Variants in CTIF observed in about 807,000 individuals in gnomAD.
CTIF encodes the protein CBP80/20-dependent translation initiation factor.
A neutral mutation model predicts 66.0 loss-of-function variants in CTIF; 21 were observed. The ratio of observed to expected loss-of-function variants is 0.32; its 90% confidence interval spans 0.23 to 0.46. The LOEUF is 0.46. Among genes scored for constraint, CTIF ranks in the 20% least tolerant of loss-of-function variants. The probability of loss-of-function intolerance (pLI) is 1.00; values close to 1 mark genes in which losing one functional copy is unlikely to be tolerated. For missense variants in CTIF, 739 were observed against 812.7 expected (o/e 0.91, Z 1.10); for synonymous variants, 345 against 326.4 (o/e 1.06, Z -0.62).
chr18:48,845,162 T>A (rs1382949851), intron 10 of CTIF, among the ~76,000 whole-genome samples: 1 of 91,818 alleles, frequency 1.1e-5, no homozygotes, highest in South Asian at 3.4e-4. Flanking sequence ...GGGTTGGGGG[T>A]GGGGGAGAGA....
In CTIF at chr18:48,812,088, G is replaced by A. The variant is rs576478954; in HGVS notation, c.1372-5133G>A. 5.3e-5 allele frequency among the ~76,000 whole-genome samples: 8 copies of A among 152,104 alleles called. No individual in the cohort carries two copies. In the East Asian group the frequency reaches 1.2e-3, roughly 22 times the overall value. Reference sequence around the variant, plus strand: ...AGCAGTTCTCCTGCCTCAGCCTCCCGAGTAGCTTGGATTACAGGCACCCAC... The same window carrying A: ...AGCAGTTCTCCTGCCTCAGCCTCCCAAGTAGCTTGGATTACAGGCACCCAC... On this transcript the variant is annotated intron_variant, in intron 9 of 11. Transcript: ENST00000256413.
intron 2 of CTIF, chr18:48,621,592 G>A: frequency 2.6e-6 from 1 of 382,712 alleles, no homozygotes; most frequent in East Asian, 1.1e-4. Flanking sequence ...CAGGAGGGGA[G>A]TCGAGGGAGT....
chr18:48,540,521 G>T (rs569001856), intron 1 of CTIF, among the ~76,000 whole-genome samples: 5 of 152,054 alleles, frequency 3.3e-5, no homozygotes, highest in African/African-American at 4.8e-5. Context: ...CAATCGGGAG[G>T]GGGGTGGTCC....
chr18:48,648,491 A>ACACACACACG (rs2091095573), intron 3 of CTIF, among the ~76,000 whole-genome samples: 1 of 147,198 alleles, frequency 6.8e-6, no homozygotes, highest in South Asian at 2.2e-4. Flanking sequence ...ACACACACGC[A>ACACACACACG]CACACACACA....
intron 3 of CTIF, among the ~76,000 whole-genome samples, chr18:48,646,805 C>T: frequency 7.0e-6 from 1 of 142,468 alleles, no homozygotes; most frequent in Non-Finnish European, 1.5e-5. Flanking sequence ...TGACAGCGTC[C>T]AATGCTGGTG....
chr18:48,795,705 A>G (rs1376132306), intron 9 of CTIF, among the ~76,000 whole-genome samples: 1 of 152,182 alleles, frequency 6.6e-6, no homozygotes, highest in East Asian at 1.9e-4. Flanking sequence ...ACACTTGGGT[A>G]TACTTTCTCT....
intron 1 of CTIF, among the ~76,000 whole-genome samples, chr18:48,557,395 G>T (rs907384136): frequency 3.9e-5 from 6 of 152,200 alleles, no homozygotes; most frequent in Non-Finnish European, 1.5e-5. Context: ...ACCTTCCCTG[G>T]AGTTTTCTGA....
In CTIF at chr18:48,539,098, C is replaced by G. The variant is rs1203010010; in HGVS notation, c.-243C>G. 6.7e-6 allele frequency: 1 copy of G among 148,152 alleles called. No individual in the cohort carries two copies. Among genetic ancestry groups the G allele is most frequent in the Non-Finnish European group, 1.5e-5 (1 of 66,886 alleles). 9.2% of individuals were successfully genotyped at this position (148,152 alleles called of 1,614,324 possible). A position where few individuals can be genotyped will look rare whatever the true frequency, so the allele number is the denominator to read the frequency against. On this transcript the variant is annotated 5_prime_UTR_variant, in exon 1 of 12. Coordinates refer to ENST00000256413, the MANE Select transcript of CTIF (RefSeq NM_014772.3). ...TTTTTTTCCTTCCTCTACTCCCTCC[C>G]CCCTACCCGCCCCTCCCTCCCTGTT...
intron 9 of CTIF, among the ~76,000 whole-genome samples, chr18:48,790,460 G>T (rs980373286): frequency 1.3e-5 from 2 of 152,240 alleles, no homozygotes; most frequent in African/African-American, 4.8e-5. Flanking sequence ...GTCACCAAGG[G>T]GCAGGCTGCC....
chr18:48,790,130 C>A (rs948532468), intron 9 of CTIF, among the ~76,000 whole-genome samples: 13 of 152,202 alleles, frequency 8.5e-5, no homozygotes, highest in African/African-American at 3.1e-4. Context: ...ACAGAGGTTC[C>A]GCCCCCAGTA....
chr18:48,785,503 T>C (rs1381895403), intron 9 of CTIF, among the ~76,000 whole-genome samples: 1 of 152,156 alleles, frequency 6.6e-6, no homozygotes, highest in African/African-American at 2.4e-5. Flanking sequence ...GCCCCCTGCC[T>C]ACCTGAAGAC....
At chr18:48,601,693 C>T (rs961906743) in intron 1 of CTIF, among the ~76,000 whole-genome samples, 6 of 152,386 alleles carry the variant, frequency 3.9e-5, no homozygotes, top group Admixed American at 3.3e-4. Flanking sequence ...CCCACCCTCA[C>T]TGGCTTCTTG....
chr18:48,646,007 G>A (rs568466091), intron 3 of CTIF, among the ~76,000 whole-genome samples: 53 of 152,288 alleles, frequency 3.5e-4, no homozygotes, highest in African/African-American at 1.3e-3. Flanking sequence ...ATTAAAAATT[G>A]TTTGTCATAT....
chr18:48,641,878 C>T (rs558257739), intron 3 of CTIF, among the ~76,000 whole-genome samples: 2 of 152,268 alleles, frequency 1.3e-5, no homozygotes, highest in Admixed American at 6.5e-5. Context: ...ACATTGACTC[C>T]GACCCAGGGG....
At chr18:48,776,729 G>C (rs1361402110) in intron 9 of CTIF, among the ~76,000 whole-genome samples, 1 of 152,256 alleles carries the variant, frequency 6.6e-6, no homozygotes, top group African/African-American at 2.4e-5. Flanking sequence ...GTTGCAAGGA[G>C]GTCTAGGACT....
chr18:48,619,577 C>G lies in CTIF; in HGVS notation c.12C>G (p.Ser4=). 6.4e-7 allele frequency: 1 copy of G among 1,572,664 alleles called. No individual in the cohort carries two copies. ...CCTGAGCTGGAGGGATGGAAAACTC[C>G]TCTGCAGCATCAGCCTCCTCGGAGG... MEN[S]SAASASSEAG... The change falls in exon 2 of 12, where the codon TCC becomes TCG. Residue 4 remains serine, a synonymous_variant. Coordinates refer to ENST00000256413, the MANE Select transcript of CTIF (RefSeq NM_014772.3).
At chr18:48,564,793 T>C (rs1394796500) in intron 1 of CTIF, 2 of 94,782 alleles carry the variant, frequency 2.1e-5, no homozygotes, top group East Asian at 1.5e-3. Context: ...TAATTTTATT[T>C]TTTTGTAGAG....
At chr18:48,542,788 G>T (rs1370232489) in intron 1 of CTIF, among the ~76,000 whole-genome samples, 1 of 152,222 alleles carries the variant, frequency 6.6e-6, no homozygotes, top group Admixed American at 6.5e-5. Flanking sequence ...AAAACACCTT[G>T]ATAGCCTTGT....
At chr18:48,591,636 A>G (rs1485671555) in intron 1 of CTIF, among the ~76,000 whole-genome samples, 3 of 152,270 alleles carry the variant, frequency 2.0e-5, no homozygotes, top group African/African-American at 7.2e-5. Context: ...CAACCCTGGC[A>G]GGTAGGCAGG....
Sources: allele counts gnomAD v4.1 joint callset (sites outside exome capture counted in the v4.1 genomes callset), GRCh38; gene constraint gnomAD v4.1.1; transcripts MANE v1.5; gene names NCBI Gene and HGNC (gene_info 2026-07-23, HGNC 2026-07-21).